The following BTN3A2 variants were observed in gnomAD, a reference collection of about 807,000 sequenced individuals.
BTN3A2 encodes the protein butyrophilin protein.
A neutral mutation model predicts 37.6 loss-of-function variants in BTN3A2; 25 were observed. That is an observed-to-expected ratio of 0.66 (90% confidence interval 0.48 to 0.93). BTN3A2 has a LOEUF of 0.93. Ranked by LOEUF, BTN3A2 falls within the 40% of genes least tolerant of loss-of-function variation. The pLI is 0.00. For missense variants in BTN3A2, 266 were observed against 410.9 expected (o/e 0.65, Z 3.05); for synonymous variants, 122 against 159.4 (o/e 0.77, Z 1.77).
Position 26,376,678 on chromosome 6 carries a change from C to G in BTN3A2, c.*916C>G, listed in dbSNP as rs965538370. ...GAGCCCCATGACCTACCAGACAACC[C>G]TGAGAGATTTGAATGGCGTTACTGT... On this transcript the variant is annotated 3_prime_UTR_variant, in exon 11 of 11. Transcript: ENST00000377708. 5.9e-6 allele frequency: 9 copies of G among 1,532,766 alleles called. No homozygotes were observed. In the African/African-American group the frequency reaches 6.9e-5, roughly 12 times the overall value. 94.9% of individuals were successfully genotyped at this position (1,532,766 alleles called of 1,614,324 possible).
At chr6:26,373,137 A>G (rs1489392929) in intron 6 of BTN3A2, 40 bp downstream of exon 6, 10 of 1,609,836 alleles carry the variant, frequency 6.2e-6, no homozygotes, top group East Asian at 2.2e-5. Flanking sequence ...CTTGGCTTGC[A>G]TGCCCCAGCC....
chr6:26,371,072 T>A (rs1760066235), intron 5 of BTN3A2, among the ~76,000 whole-genome samples: 1 of 152,020 alleles, frequency 6.6e-6, no homozygotes, highest in South Asian at 2.1e-4. Context: ...GAGACCTGCC[T>A]GGCCATGGTG....
rs1017858319 is a variant in BTN3A2 at position 26,376,342 on chromosome 6, G to A, written c.*580G>A. The stretch of plus-strand genomic sequence containing the variant: ...AGGATCCTTGTTGCTTCTTGGGGCC[G>A]CATCAGGGTATTGGGTTAGGCAGAT... On this transcript the variant is annotated 3_prime_UTR_variant, in exon 11 of 11. Coordinates refer to ENST00000377708, the MANE Select transcript of BTN3A2 (RefSeq NM_007047.5). 2 of 231,574 alleles carry A rather than the reference G, an allele frequency of 8.6e-6. No homozygotes were observed. Among genetic ancestry groups the A allele is most frequent in the Non-Finnish European group, 1.7e-5 (2 of 120,156 alleles). 14.3% of individuals were successfully genotyped at this position (231,574 alleles called of 1,614,324 possible).
chr6:26,370,724 AC>A, intron 5 of BTN3A2, 121 bp downstream of exon 5: 1 of 1,482,778 alleles, frequency 6.7e-7, no homozygotes, highest in Non-Finnish European at 9.0e-7. Flanking sequence ...CAAAGCACAG[AC>A]CTGGAGGCTC....
intron 8 of BTN3A2, 146 bp from the exon 9 acceptor site, chr6:26,374,181 C>A (rs1760439726): frequency 7.8e-6 from 4 of 515,554 alleles, no homozygotes; most frequent in East Asian, 6.9e-5. Flanking sequence ...AGATGGAGAC[C>A]ATGGGGAAGG....
At position 26,365,227 on chromosome 6, in the gene BTN3A2, C is replaced by T; in HGVS notation, c.-192C>T. On this transcript the variant is annotated 5_prime_UTR_variant, in exon 1 of 11. The change creates a premature stop within an existing upstream ORF in the 5' untranslated region. Transcript: ENST00000377708. The stretch of plus-strand genomic sequence containing the variant: ...CTTACTGTTTCTCATGGTGAGAAGA[C>T]AATATTTGCTTTCTCTTTTTCCTTT... 1 of 1,343,536 alleles carries T rather than the reference C, an allele frequency of 7.4e-7. No homozygotes were observed. Among genetic ancestry groups the T allele is most frequent in the Non-Finnish European group, 1.0e-6 (1 of 976,980 alleles). The allele number at this position is 1,343,536 out of a possible 1,614,324, so 83.2% of individuals were successfully genotyped here. A position where few individuals can be genotyped will look rare whatever the true frequency, so the allele number is the denominator to read the frequency against.
At chr6:26,370,202 A>G in intron 4 of BTN3A2, 120 bp from the exon 5 acceptor site, 1 of 1,324,000 alleles carries the variant, frequency 7.6e-7, no homozygotes, top group Non-Finnish European at 1.0e-6. Context: ...ACACTTTTGT[A>G]AACAGCTCCT....
At chr6:26,365,474 CTGTGTGTG>C (rs55949951) in intron 1 of BTN3A2, 122 bp downstream of exon 1, 5,989 of 549,840 alleles carry the variant, frequency 0.011, 3 homozygotes, top group South Asian at 0.017. Context: ...GGTGCAGTGC[CTGTGTGTG>C]TGTGTGTGTG....
At chr6:26,374,650 G>A (rs948212745) in intron 9 of BTN3A2, 121 bp from the exon 10 acceptor site, 25 of 1,177,148 alleles carry the variant, frequency 2.1e-5, no homozygotes, top group Non-Finnish European at 2.9e-5. Flanking sequence ...GTAGAGGAGG[G>A]AAGCTGGACC....
chr6:26,375,496 CCTT>C (rs1760630542), intron 10 of BTN3A2: 3 of 739,682 alleles, frequency 4.1e-6, no homozygotes, highest in Non-Finnish European at 6.6e-6. Flanking sequence ...CTTTCTTTCT[CCTT>C]CTAATCTTCT....
At chr6:26,370,816 A>G (rs781245661) in intron 5 of BTN3A2, among the ~76,000 whole-genome samples, 5 of 152,210 alleles carry the variant, frequency 3.3e-5, no homozygotes, top group Non-Finnish European at 7.3e-5. Flanking sequence ...TATCTGCCAG[A>G]AAGTATGACA....
At chr6:26,365,461 A>G (rs1004653691) in intron 1 of BTN3A2, 109 bp downstream of exon 1, 1 of 1,216,472 alleles carries the variant, frequency 8.2e-7, no homozygotes, top group Non-Finnish European at 1.2e-6. Flanking sequence ...TCCCAGAGAA[A>G]GGGGTGCAGT....
At chr6:26,372,749 C>G (rs560173089) in intron 5 of BTN3A2, 148 bp from the exon 6 acceptor site, 13 of 924,284 alleles carry the variant, frequency 1.4e-5, no homozygotes, top group Non-Finnish European at 2.1e-5. Context: ...CTATAGTCCT[C>G]TGAGACTTTA....
Position 26,374,201 on chromosome 6 carries a change from TAAAAAAAAAAAAAAAAAAAAAAAA to T in BTN3A2, c.965-110_965-87del, listed in dbSNP as rs34655395. The stretch of plus-strand genomic sequence containing the variant: ...GAGACCATGGGGAAGGGTGGGATGG[TAAAAAAAAAAAAAAAAAAAAAAAA>T]AAAAAAAAAAAAAAAGACTAGATGG... On this transcript the variant is annotated intron_variant, in intron 8 of 10. Transcript: ENST00000377708. 2.4e-3 allele frequency: 594 copies of T among 246,648 alleles called. 1 individual carries two copies. Among genetic ancestry groups the T allele is most frequent in the Middle Eastern group, 9.4e-3 (8 of 852 alleles). 15.3% of individuals were successfully genotyped at this position (246,648 alleles called of 1,614,324 possible). A position where few individuals can be genotyped will look rare whatever the true frequency, so the allele number is the denominator to read the frequency against.
intron 5 of BTN3A2, 116 bp from the exon 6 acceptor site, chr6:26,372,781 C>T (rs1323436228): frequency 4.9e-6 from 6 of 1,232,642 alleles, no homozygotes; most frequent in Non-Finnish European, 5.6e-6. Flanking sequence ...CTTATTTAAC[C>T]TCATGAGATA....
At position 26,376,923 on chromosome 6, in the gene BTN3A2, C is replaced by A; in HGVS notation, c.*1161C>A. 3.1e-6 allele frequency: 5 copies of A among 1,612,752 alleles called. No individual in the cohort carries two copies. Among genetic ancestry groups the A allele is most frequent in the Non-Finnish European group, 4.2e-6 (5 of 1,178,952 alleles). On this transcript the variant is annotated 3_prime_UTR_variant, in exon 11 of 11. Transcript: ENST00000377708. ...CAGAACCAACCTGAAACTTCCTGAGCCTCCTAGGAAAGTGGGGGTCATCCT... is the reference window on the plus strand; with the variant it reads ...CAGAACCAACCTGAAACTTCCTGAGACTCCTAGGAAAGTGGGGGTCATCCT...
intron 9 of BTN3A2, 180 bp downstream of exon 9, chr6:26,374,553 G>C (rs913077889): frequency 2.4e-6 from 2 of 844,814 alleles, no homozygotes; most frequent in African/African-American, 3.4e-5. Context: ...CCCTTGTAAA[G>C]CCTGGCCATG....
At chr6:26,371,130 A>G (rs1220535091) in intron 5 of BTN3A2, among the ~76,000 whole-genome samples, 2 of 151,996 alleles carry the variant, frequency 1.3e-5, no homozygotes, top group African/African-American at 4.8e-5. Flanking sequence ...GGTGTGGTGG[A>G]GTGCACCTCT....
chr6:26,365,709 CAAAA>C (rs1045145163), intron 1 of BTN3A2, among the ~76,000 whole-genome samples: 17 of 151,980 alleles, frequency 1.1e-4, no homozygotes, highest in African/African-American at 4.1e-4. Context: ...AACAAACAAA[CAAAA>C]AACCCTTAAA....
Sources: gnomAD v4.1 joint callset for allele counts (sites outside exome capture counted in the v4.1 genomes callset) on GRCh38, gnomAD v4.1.1 for gene constraint, MANE v1.5 for transcripts, NCBI Gene and HGNC (gene_info 2026-07-23, HGNC 2026-07-21) for gene names.